AFG1L: variants seen among roughly 807,000 people sequenced by gnomAD.
AFG1L encodes the protein AFG1 like ATPase, also known as AFG1-like ATPase.
In AFG1L, 53 loss-of-function variants were observed where a neutral mutation model predicts 62.2. That is an observed-to-expected ratio of 0.85 (90% confidence interval 0.68 to 1.07). AFG1L has a LOEUF of 1.07. AFG1L is among the 50% of genes least tolerant of loss of function. The pLI is 0.00. For missense variants in AFG1L, 555 were observed against 590.5 expected (o/e 0.94, Z 0.62); for synonymous variants, 228 against 210.3 (o/e 1.08, Z -0.73).
chr6:108,525,435 G>A lies in AFG1L; in HGVS notation c.*3010G>A, dbSNP rs568136179. 3 of 152,074 alleles carry A rather than the reference G, an allele frequency of 2.0e-5. No homozygotes were observed. The highest frequency in any genetic ancestry group is 7.2e-5 in the African/African-American group (3 of 41,484). The allele number at this position is 152,074 out of a possible 1,614,324, so 9.4% of individuals were successfully genotyped here. On this transcript the variant is annotated 3_prime_UTR_variant, in exon 13 of 13. Transcript: ENST00000368977. ...GTGGGACTTCAAATTTTAATAATAA[G>A]GCAATACTTTTATCTTCTTAAAGTA... is the stretch of plus-strand genomic sequence containing the variant.
chr6:108,328,293 T>C (rs190021672), intron 2 of AFG1L, among the ~76,000 whole-genome samples: 43 of 152,324 alleles, frequency 2.8e-4, no homozygotes, highest in Admixed American at 8.5e-4. Context: ...AAACAACATG[T>C]TGTACTCAAC....
intron 6 of AFG1L, among the ~76,000 whole-genome samples, chr6:108,369,754 A>C (rs1263126891): frequency 6.6e-6 from 1 of 152,018 alleles, no homozygotes; most frequent in Non-Finnish European, 1.5e-5. Flanking sequence ...GATTACAGGC[A>C]CCCACCACCA....
At chr6:108,367,353 G>C (rs756964244) in intron 6 of AFG1L, among the ~76,000 whole-genome samples, 23 of 152,116 alleles carry the variant, frequency 1.5e-4, no homozygotes, top group Non-Finnish European at 3.2e-4. Context: ...TAGAGTGTGG[G>C]TATGGGGTTT....
At chr6:108,319,441 A>C (rs567158) in intron 1 of AFG1L, among the ~76,000 whole-genome samples, 1 of 150,734 alleles carries the variant, frequency 6.6e-6, no homozygotes, top group Non-Finnish European at 1.5e-5. Flanking sequence ...CTAATTAAAA[A>C]TTTTTTTTTT....
intron 5 of AFG1L, among the ~76,000 whole-genome samples, chr6:108,365,774 A>C (rs1339335662): frequency 6.6e-6 from 1 of 152,064 alleles, no homozygotes; most frequent in Non-Finnish European, 1.5e-5. Flanking sequence ...TGACCATTTA[A>C]AGTCACCTTT....
chr6:108,497,492 T>C (rs1333601326), intron 10 of AFG1L, among the ~76,000 whole-genome samples: 1 of 152,098 alleles, frequency 6.6e-6, no homozygotes, highest in African/African-American at 2.4e-5. Flanking sequence ...ACTTAATTCC[T>C]TTTTCATATC....
intron 5 of AFG1L, among the ~76,000 whole-genome samples, chr6:108,357,188 A>G (rs904329603): frequency 3.5e-4 from 9 of 25,552 alleles, no homozygotes; most frequent in Admixed American, 1.1e-3. Flanking sequence ...CCTGGGTTCA[A>G]CTTCCCGCCT....
intron 2 of AFG1L, among the ~76,000 whole-genome samples, chr6:108,346,023 C>T (rs560722114): frequency 1.3e-5 from 2 of 152,290 alleles, no homozygotes; most frequent in South Asian, 4.2e-4. Flanking sequence ...GGAAAGACTA[C>T]ATGGCTGGTA....
chr6:108,436,644 C>T (rs2114725370), intron 7 of AFG1L, among the ~76,000 whole-genome samples: 1 of 152,220 alleles, frequency 6.6e-6, no homozygotes, highest in South Asian at 2.1e-4. Flanking sequence ...TGTATCCAAG[C>T]AAGAGCCATA....
chr6:108,304,037 A>G (rs1777110620), intron 1 of AFG1L, among the ~76,000 whole-genome samples: 1 of 152,184 alleles, frequency 6.6e-6, no homozygotes, highest in South Asian at 2.1e-4. Context: ...AGTTATACAC[A>G]TTGGCACATT....
At chr6:108,387,483 A>G (rs1363032216) in intron 6 of AFG1L, 2 of 152,292 alleles carry the variant, frequency 1.3e-5, no homozygotes, top group Non-Finnish European at 2.9e-5. Context: ...TTCTGGCAGA[A>G]CTAGGCCTGT....
chr6:108,511,200 G>T (rs1358238218), intron 11 of AFG1L, among the ~76,000 whole-genome samples: 3 of 151,716 alleles, frequency 2.0e-5, no homozygotes, highest in African/African-American at 7.3e-5. Context: ...AGAAGGAGGA[G>T]AAGGAGAAGG....
intron 2 of AFG1L, among the ~76,000 whole-genome samples, chr6:108,346,674 T>C (rs918249507): frequency 5.3e-5 from 8 of 152,280 alleles, no homozygotes; most frequent in Admixed American, 2.6e-4. Context: ...GACTTCTACT[T>C]TCTGTCTCTT....
At chr6:108,477,150 A>T in intron 9 of AFG1L, 42 bp from the exon 10 acceptor site, 1 of 1,296,598 alleles carries the variant, frequency 7.7e-7, no homozygotes, top group Non-Finnish European at 1.1e-6. Flanking sequence ...ATTTTATAGT[A>T]ATTATCCAGA....
At chr6:108,451,405 A>G (rs1475133441) in intron 8 of AFG1L, among the ~76,000 whole-genome samples, 1 of 152,214 alleles carries the variant, frequency 6.6e-6, no homozygotes, top group African/African-American at 2.4e-5. Flanking sequence ...GTAGTTCATA[A>G]TATTGCCTGA....
At chr6:108,394,392 A>G (rs183001815) in intron 6 of AFG1L, among the ~76,000 whole-genome samples, 278 of 151,826 alleles carry the variant, frequency 1.8e-3, no homozygotes, top group African/African-American at 6.5e-3. Flanking sequence ...CAGGTGATCC[A>G]CCTGCCTTGG....
chr6:108,474,035 C>T (rs1441725446), intron 8 of AFG1L, among the ~76,000 whole-genome samples: 1 of 152,154 alleles, frequency 6.6e-6, no homozygotes, highest in Non-Finnish European at 1.5e-5. Context: ...TCCTCCCTCT[C>T]CCCCCGGCTC....
intron 4 of AFG1L, among the ~76,000 whole-genome samples, chr6:108,356,090 G>A (rs1779276517): frequency 6.6e-6 from 1 of 152,166 alleles, no homozygotes; most frequent in Admixed American, 6.5e-5. Context: ...TGTTACCTTA[G>A]CATGTAGGCA....
At chr6:108,408,149 A>T (rs1781944505) in intron 7 of AFG1L, among the ~76,000 whole-genome samples, 2 of 145,654 alleles carry the variant, frequency 1.4e-5, no homozygotes, top group African/African-American at 5.1e-5. Context: ...TTCCCTGTGC[A>T]GGCGTCTCAC....
Sources: allele counts gnomAD v4.1 joint callset (sites outside exome capture counted in the v4.1 genomes callset), GRCh38; gene constraint gnomAD v4.1.1; transcripts MANE v1.5; gene names NCBI Gene and HGNC (gene_info 2026-07-23, HGNC 2026-07-21).